The following OCA2 variants were observed in gnomAD, a reference collection of about 807,000 sequenced individuals.
OCA2 encodes P protein.
In OCA2, 77 loss-of-function variants were observed where a neutral mutation model predicts 100.2. The observed-to-expected ratio is 0.77, with a 90% CI of 0.64 to 0.93. The LOEUF is 0.93. Among genes scored for constraint, OCA2 ranks in the 40% least tolerant of loss-of-function variants. The pLI, the probability that OCA2 is intolerant of heterozygous loss-of-function variation, is 0.00. For synonymous variants in OCA2, 432 were observed against 439.2 expected (o/e 0.98, Z 0.21); for missense variants, 1,062 against 1,089.1 (o/e 0.98, Z 0.35).
chr15:27,777,304 A>G (rs920197282), intron 23 of OCA2, among the ~76,000 whole-genome samples: 16 of 152,158 alleles, frequency 1.1e-4, no homozygotes, highest in Admixed American at 3.9e-4. Flanking sequence ...GCACAGAAAA[A>G]AACGCTAGAG....
intron 19 of OCA2, among the ~76,000 whole-genome samples, chr15:27,925,451 G>C (rs2039009831): frequency 6.6e-6 from 1 of 152,092 alleles, no homozygotes; most frequent in Non-Finnish European, 1.5e-5. Flanking sequence ...CAAATATTTG[G>C]AGCCTTCAAA....
At chr15:27,935,076 A>C (rs2039404738) in intron 18 of OCA2, among the ~76,000 whole-genome samples, 2 of 152,320 alleles carry the variant, frequency 1.3e-5, no homozygotes, top group African/African-American at 2.4e-5. Context: ...AGGGTGAGGC[A>C]GTGGTTCTTC....
At chr15:27,753,329 G>T (rs1023699452), downstream of OCA2, among the ~76,000 whole-genome samples, 3 of 151,836 alleles carry the variant, frequency 2.0e-5, no homozygotes, top group African/African-American at 7.3e-5. Context: ...AGTGGGAGAA[G>T]GGGGTGGGGG....
At chr15:28,081,413 C>T (rs184029486) in intron 2 of OCA2, among the ~76,000 whole-genome samples, 148 of 152,210 alleles carry the variant, frequency 9.7e-4, no homozygotes, top group Non-Finnish European at 2.6e-4. Flanking sequence ...AGTGTTAAGT[C>T]TTCATGCTAC....
chr15:28,068,440 A>G (rs1312783165), intron 2 of OCA2, among the ~76,000 whole-genome samples: 1 of 152,232 alleles, frequency 6.6e-6, no homozygotes, highest in African/African-American at 2.4e-5. Context: ...AACCAGTATC[A>G]ACATCTGAAA....
chr15:27,867,108 T>C (rs2036357006), intron 21 of OCA2, among the ~76,000 whole-genome samples: 1 of 152,216 alleles, frequency 6.6e-6, no homozygotes. Flanking sequence ...GTACTATCCC[T>C]AGATAAACTC....
chr15:28,023,351 T>A (rs1488604354), intron 5 of OCA2, among the ~76,000 whole-genome samples: 1 of 152,202 alleles, frequency 6.6e-6, no homozygotes, highest in Non-Finnish European at 1.5e-5. Context: ...ATTAAGAAGT[T>A]GACTGTACTC....
chr15:27,719,523 T>G, the OCA2 span, among the ~76,000 whole-genome samples: 1 of 152,156 alleles, frequency 6.6e-6, no homozygotes, highest in Non-Finnish European at 1.5e-5. Context: ...TGCACGTACA[T>G]GTAGGCACAC....
chr15:27,776,303 C>G (rs539162512), intron 23 of OCA2, among the ~76,000 whole-genome samples: 7 of 152,318 alleles, frequency 4.6e-5, no homozygotes, highest in African/African-American at 1.7e-4. Flanking sequence ...CTTCTTCCCT[C>G]CCTCCTGCCA....
chr15:28,013,478 T>TA (rs2042297579), intron 9 of OCA2, among the ~76,000 whole-genome samples: 1 of 152,146 alleles, frequency 6.6e-6, no homozygotes, highest in African/African-American at 2.4e-5. Context: ...CCAGACTGTA[T>TA]AAAATGTGAT....
At chr15:28,079,913 C>T (rs1182473580) in intron 2 of OCA2, among the ~76,000 whole-genome samples, 1 of 152,224 alleles carries the variant, frequency 6.6e-6, no homozygotes, top group Non-Finnish European at 1.5e-5. Flanking sequence ...TGCCTGGCTG[C>T]CCAGGGCCTC....
At chr15:27,903,212 C>G (rs1004610668) in intron 19 of OCA2, among the ~76,000 whole-genome samples, 1 of 152,232 alleles carries the variant, frequency 6.6e-6, no homozygotes, top group Non-Finnish European at 1.5e-5. Flanking sequence ...TCAAAGCAGG[C>G]TTTCGCGTAA....
At chr15:27,807,342 T>G (rs982317282) in intron 23 of OCA2, among the ~76,000 whole-genome samples, 3 of 152,136 alleles carry the variant, frequency 2.0e-5, no homozygotes, top group Admixed American at 2.0e-4. Context: ...TGGGGGAGTC[T>G]TTGCTGACCA....
chr15:27,800,966 C>T lies in OCA2; in HGVS notation c.2432+43993G>A, dbSNP rs114947441. Among the ~76,000 whole-genome samples, 1,446 of 152,142 alleles carry T rather than the reference C, an allele frequency of 9.5e-3. 27 individuals are homozygous for T. Among genetic ancestry groups the T allele is most frequent in the African/African-American group, 0.033 (1,363 of 41,500 alleles). ...TAGGCAACAGAGTGAGACCCTACCT[C>T]GAAAAACAATTTTTTTTGAAATCAT... On this transcript the variant is annotated intron_variant, in intron 23 of 23. Coordinates refer to ENST00000354638, the MANE Select transcript of OCA2 (RefSeq NM_000275.3).
chr15:27,859,254 C>T (rs917214563), intron 21 of OCA2, among the ~76,000 whole-genome samples: 3 of 151,616 alleles, frequency 2.0e-5, no homozygotes, highest in Admixed American at 6.6e-5. Flanking sequence ...TTGAAAGGAT[C>T]GACGATATTG....
At chr15:28,017,222 T>A (rs1364355552) in intron 7 of OCA2, among the ~76,000 whole-genome samples, 3 of 152,132 alleles carry the variant, frequency 2.0e-5, no homozygotes, top group Admixed American at 6.5e-5. Flanking sequence ...AAAGAGCGTA[T>A]CTGGGGGGAA....
the OCA2 span, among the ~76,000 whole-genome samples, chr15:27,736,427 G>A: frequency 6.6e-6 from 1 of 152,200 alleles, no homozygotes; most frequent in Admixed American, 6.5e-5. Flanking sequence ...TGGACTCTAA[G>A]GTGGCATCTG....
intron 19 of OCA2, among the ~76,000 whole-genome samples, chr15:27,911,851 TACTG>T (rs1349187055): frequency 1.3e-5 from 2 of 152,068 alleles, no homozygotes; most frequent in Non-Finnish European, 2.9e-5. Context: ...AACATAAACA[TACTG>T]AAGGCTATGG....
At chr15:27,751,294 G>T (rs142866004), downstream of OCA2, among the ~76,000 whole-genome samples, 3,162 of 152,260 alleles carry the variant, frequency 0.021, 56 homozygotes, top group Non-Finnish European at 0.034. Context: ...TCTCCAGAAT[G>T]AATGCTGAGA....
Sources: gnomAD v4.1 joint callset for allele counts (sites outside exome capture counted in the v4.1 genomes callset) on GRCh38, gnomAD v4.1.1 for gene constraint, MANE v1.5 for transcripts, NCBI Gene and HGNC (gene_info 2026-07-23, HGNC 2026-07-21) for gene names.